Variants in APBA1 observed in about 807,000 individuals in gnomAD.
APBA1 encodes the protein amyloid-beta A4 precursor protein-binding family A member 1.
In APBA1, 55 loss-of-function variants were observed where a neutral mutation model predicts 86.6. The ratio of observed to expected loss-of-function variants is 0.64; its 90% CI spans 0.51 to 0.80. APBA1 has a LOEUF of 0.80. Ranked by LOEUF, APBA1 falls within the 30% of genes least tolerant of loss-of-function variation. APBA1 has a pLI of 0.00. For synonymous variants in APBA1, 511 were observed against 493.9 expected (o/e 1.03, Z -0.46); for missense variants, 1,090 against 1,183.0 (o/e 0.92, Z 1.15).
intron 1 of APBA1, among the ~76,000 whole-genome samples, chr9:69,653,283 C>G (rs1424279287): frequency 6.6e-6 from 1 of 152,134 alleles, no homozygotes; most frequent in Non-Finnish European, 1.5e-5. Flanking sequence ...TATATGCACT[C>G]AACACCAGGG....
chr9:69,457,063 G>A lies in APBA1; in HGVS notation c.1592C>T (p.Ala531Val). Residue 531 changes from alanine to valine, a missense_variant, in exon 7 of 13, where the codon GCC (alanine) becomes GTC (valine). By Grantham distance (64) the Ala-to-Val change is moderately conservative. Coordinates refer to ENST00000265381, the MANE Select transcript of APBA1 (RefSeq NM_001163.4). Reference protein sequence around the residue: ...ISTQRIKVLNADTQETMMDHP... With the variant: ...ISTQRIKVLNVDTQETMMDHP... ...GAAGCCAGCTGATACCTGTGTGTCG[G>A]CGTTCAGCACTTTGATTCTCTGGGT... The A allele has an allele frequency of 6.2e-7, 1 of 1,614,058 alleles. No homozygotes were observed. Among genetic ancestry groups the A allele is most frequent in the Non-Finnish European group, 8.5e-7 (1 of 1,179,924 alleles).
chr9:69,584,638 T>A (rs1821983277), intron 1 of APBA1, among the ~76,000 whole-genome samples: 1 of 152,142 alleles, frequency 6.6e-6, no homozygotes, highest in African/African-American at 2.4e-5. Context: ...AAGTACAGAG[T>A]AAGCATTCAG....
intron 3 of APBA1, chr9:69,472,682 C>G (rs1032925626): frequency 6.6e-6 from 1 of 152,196 alleles, no homozygotes; most frequent in African/African-American, 2.4e-5. Flanking sequence ...GGAAAGATAT[C>G]TGGCACTGAA....
rs967316291 is a variant in APBA1, at chr9:69,536,650, G to A, written c.-69-19371C>T. Reference sequence around the variant, plus strand: ...GGGAGGCTGAGGCGGGCAGATTGATGGAGGTCAGGAGTTTGAGAGCAGCCT... The same window carrying A: ...GGGAGGCTGAGGCGGGCAGATTGATAGAGGTCAGGAGTTTGAGAGCAGCCT... On this transcript the variant is annotated intron_variant, in intron 1 of 12. Transcript: ENST00000265381. 4.7e-5 allele frequency among the ~76,000 whole-genome samples: 7 copies of A among 148,198 alleles called. No individual in the cohort carries two copies. In the South Asian group the frequency reaches 6.5e-4, roughly 14 times the overall value.
At chr9:69,553,713 T>C (rs754880023) in intron 1 of APBA1, among the ~76,000 whole-genome samples, 3 of 152,222 alleles carry the variant, frequency 2.0e-5, no homozygotes, top group Admixed American at 6.5e-5. Flanking sequence ...GCAAATGATC[T>C]GAGAATTCTA....
intron 1 of APBA1, among the ~76,000 whole-genome samples, chr9:69,619,425 T>C (rs1822769196): frequency 6.6e-6 from 1 of 152,198 alleles, no homozygotes; most frequent in East Asian, 1.9e-4. Flanking sequence ...TGTGTGACCT[T>C]GTGCAAACTG....
chr9:69,549,266 C>A (rs972722054), intron 1 of APBA1, among the ~76,000 whole-genome samples: 2 of 152,146 alleles, frequency 1.3e-5, no homozygotes, highest in African/African-American at 2.4e-5. Flanking sequence ...CTGTCAGTCA[C>A]CCTGCTAGAT....
At chr9:69,632,952 A>G (rs1823078317) in intron 1 of APBA1, among the ~76,000 whole-genome samples, 2 of 151,854 alleles carry the variant, frequency 1.3e-5, no homozygotes, top group Non-Finnish European at 2.9e-5. Context: ...GTGAGGTCAG[A>G]GTATCGATTC....
intron 1 of APBA1, among the ~76,000 whole-genome samples, chr9:69,620,533 T>C (rs1444819819): frequency 6.6e-6 from 1 of 152,068 alleles, no homozygotes; most frequent in East Asian, 1.9e-4. Flanking sequence ...AAAAATTAGC[T>C]GGGCATGGTG....
rs201977745 is a variant in APBA1 at position 69,431,312 on chromosome 9, C to T, written c.*15G>A. The stretch of plus-strand genomic sequence containing the variant: ...GAGGAGAGTCCTCCATGCATGCCAC[C>T]GCGTGTGGCCGCGGTCAGATGTAAA... On this transcript the variant is annotated 3_prime_UTR_variant, in exon 13 of 13. Transcript: ENST00000265381. 1.6e-4 allele frequency: 258 copies of T among 1,585,946 alleles called. No homozygotes were observed. Among genetic ancestry groups the T allele is most frequent in the East Asian group, 1.2e-3 (50 of 43,446 alleles).
intron 1 of APBA1, among the ~76,000 whole-genome samples, chr9:69,554,833 T>C (rs1177954988): frequency 6.6e-6 from 1 of 152,160 alleles, no homozygotes; most frequent in Non-Finnish European, 1.5e-5. Flanking sequence ...ATTCCAAAGA[T>C]AAGTCTTTTT....
chr9:69,559,011 A>AC (rs1836907841), intron 1 of APBA1, among the ~76,000 whole-genome samples: 1 of 151,934 alleles, frequency 6.6e-6, no homozygotes, highest in African/African-American at 2.4e-5. Context: ...TTGCTTTTTA[A>AC]CCCCCACTCC....
Position 69,575,143 on chromosome 9 carries a change from C to CCTGGGCTCAAGCAATCCA in APBA1, c.-69-57882_-69-57865dup, listed in dbSNP as rs1821761116. Among the ~76,000 whole-genome samples the CCTGGGCTCAAGCAATCCA allele has an allele frequency of 2.6e-5, 4 of 152,218 alleles. No individual in the cohort carries two copies. In the South Asian group the frequency reaches 6.2e-4, roughly 24 times the overall value. On this transcript the variant is annotated intron_variant, in intron 1 of 12. Transcript: ENST00000265381. ...ATGTTGCCCAGGCTGGTTGCAAACT[C>CCTGGGCTCAAGCAATCCA]CTGGGCTCAAGCAATCCACTGGCCT... is the stretch of plus-strand genomic sequence containing the variant.
chr9:69,446,559 C>T (rs572634699), intron 10 of APBA1, among the ~76,000 whole-genome samples: 6 of 152,352 alleles, frequency 3.9e-5, no homozygotes, highest in African/African-American at 1.4e-4. Flanking sequence ...GACAGAGCTC[C>T]GTCTGTACTC....
At chr9:69,576,006 T>G (rs1341509312) in intron 1 of APBA1, among the ~76,000 whole-genome samples, 1 of 151,886 alleles carries the variant, frequency 6.6e-6, no homozygotes, top group East Asian at 1.9e-4. Context: ...CAAACAAATT[T>G]ACAAGAAAAA....
At chr9:69,604,869 C>T (rs1822440237) in intron 1 of APBA1, among the ~76,000 whole-genome samples, 1 of 146,088 alleles carries the variant, frequency 6.8e-6, no homozygotes, top group Non-Finnish European at 1.5e-5. Context: ...TGAGCATGGG[C>T]ACACATGTAC....
intron 9 of APBA1, among the ~76,000 whole-genome samples, chr9:69,450,229 C>G (rs1183952425): frequency 6.6e-6 from 1 of 151,980 alleles, no homozygotes; most frequent in East Asian, 1.9e-4. Flanking sequence ...ATTTAATTTT[C>G]TTGAGTTAAA....
intron 3 of APBA1, chr9:69,474,500 T>G (rs527655215): frequency 6.6e-6 from 1 of 152,386 alleles, no homozygotes; most frequent in Non-Finnish European, 1.5e-5. Context: ...CAAGAAACGA[T>G]AGTGCTCATG....
At chr9:69,493,184 A>G (rs967337488) in intron 2 of APBA1, among the ~76,000 whole-genome samples, 4 of 152,052 alleles carry the variant, frequency 2.6e-5, no homozygotes, top group Non-Finnish European at 5.9e-5. Flanking sequence ...ATCTTCAGTC[A>G]TTCTTTTTTG....
Sources: allele counts gnomAD v4.1 joint callset (sites outside exome capture counted in the v4.1 genomes callset), GRCh38; gene constraint gnomAD v4.1.1; transcripts MANE v1.5; gene names NCBI Gene and HGNC (gene_info 2026-07-23, HGNC 2026-07-21).